The following CSTA variants were observed in gnomAD, a reference collection of about 807,000 sequenced individuals.
CSTA encodes cystatin-A.
CSTA carries 9 observed loss-of-function variants against 9.2 expected under a neutral mutation model. The observed-to-expected ratio is 0.97, with a 90% CI of 0.59 to 1.70. The LOEUF is 1.70. CSTA is among the 40% of genes most tolerant of loss of function. The pLI is 0.00. For synonymous variants in CSTA, 36 were observed against 40.6 expected (o/e 0.89, Z 0.43); for missense variants, 118 against 113.1 (o/e 1.04, Z -0.20).
intron 1 of CSTA, among the ~76,000 whole-genome samples, chr3:122,330,119 C>T (rs1392035694): frequency 2.0e-5 from 3 of 152,202 alleles, no homozygotes; most frequent in Non-Finnish European, 4.4e-5. Context: ...ATTCCTTCTC[C>T]AAAATTACAG....
chr3:122,328,638 A>G (rs768475441), intron 1 of CSTA, among the ~76,000 whole-genome samples: 1 of 151,926 alleles, frequency 6.6e-6, no homozygotes, highest in East Asian at 1.9e-4. Flanking sequence ...GAATGGAGAG[A>G]GTGTGGTAAG....
intron 1 of CSTA, among the ~76,000 whole-genome samples, chr3:122,327,432 G>C (rs1344855041): frequency 6.6e-6 from 1 of 151,316 alleles, no homozygotes; most frequent in Non-Finnish European, 1.5e-5. Context: ...GGGAGGCTGA[G>C]GCAGGAGAAT....
At chr3:122,334,886 G>A (rs894357731) in intron 1 of CSTA, among the ~76,000 whole-genome samples, 2 of 152,190 alleles carry the variant, frequency 1.3e-5, no homozygotes, top group African/African-American at 4.8e-5. Flanking sequence ...CAATGGCGCA[G>A]GCATGAGCAA....
At chr3:122,331,684 C>A (rs72971298) in intron 1 of CSTA, among the ~76,000 whole-genome samples, 5,309 of 152,234 alleles carry the variant, frequency 0.035, 303 homozygotes, top group African/African-American at 0.12. Context: ...CTTAACAACC[C>A]GGACAGGACC....
intron 2 of CSTA, among the ~76,000 whole-genome samples, chr3:122,340,584 G>A (rs995290674): frequency 1.5e-4 from 23 of 152,192 alleles, no homozygotes; most frequent in Non-Finnish European, 3.1e-4. Context: ...GATTATAGGC[G>A]TGAGCCACAG....
chr3:122,332,858 C>T (rs1576892077), intron 1 of CSTA, among the ~76,000 whole-genome samples: 2 of 152,306 alleles, frequency 1.3e-5, no homozygotes, highest in South Asian at 2.1e-4. Flanking sequence ...CTGCATCCTC[C>T]TAGTGCCCAT....
At chr3:122,334,594 T>C (rs1242514343) in intron 1 of CSTA, among the ~76,000 whole-genome samples, 1 of 152,182 alleles carries the variant, frequency 6.6e-6, no homozygotes, top group Non-Finnish European at 1.5e-5. Context: ...AATGCTTTCA[T>C]GAAGGGCATA....
At chr3:122,333,580 A>AAAG (rs1487716185) in intron 1 of CSTA, among the ~76,000 whole-genome samples, 4 of 144,062 alleles carry the variant, frequency 2.8e-5, no homozygotes, top group Admixed American at 6.8e-5. Context: ...AGAAAGAAAG[A>AAAG]AAGAAAGAAA....
At chr3:122,331,104 A>AACACACACACACAC in intron 1 of CSTA, among the ~76,000 whole-genome samples, 1 of 141,184 alleles carries the variant, frequency 7.1e-6, no homozygotes, top group African/African-American at 2.6e-5. Context: ...GCACACAACA[A>AACACACACACACAC]ACACACACAC....
Position 122,337,618 on chromosome 3 carries a change from A to G in CSTA, c.138A>G (p.Gln46=), listed in dbSNP as rs1309668040. ...GKLEAVQYKT[Q]VVAGTNYYIK... ...TGGAAGCTGTGCAGTATAAAACTCA[A>G]GTTGTTGCTGGAACAAATTACTACA... The change falls in exon 2 of 3, where the codon CAA becomes CAG. Residue 46 remains glutamine, a synonymous_variant. Transcript: ENST00000264474. The G allele has an allele frequency of 6.2e-7, 1 of 1,612,954 alleles. No individual in the cohort carries two copies. The highest frequency in any genetic ancestry group is 1.1e-5 in the South Asian group (1 of 91,050).
chr3:122,333,118 C>T (rs912453869), intron 1 of CSTA, among the ~76,000 whole-genome samples: 3 of 152,216 alleles, frequency 2.0e-5, no homozygotes, highest in Non-Finnish European at 4.4e-5. Context: ...CAAACCAGAT[C>T]TTTTAAATCC....
At chr3:122,333,994 C>T (rs1357812179) in intron 1 of CSTA, among the ~76,000 whole-genome samples, 1 of 152,238 alleles carries the variant, frequency 6.6e-6, no homozygotes, top group African/African-American at 2.4e-5. Flanking sequence ...CAGCTCCTAA[C>T]TTGACTGGTG....
intron 1 of CSTA, among the ~76,000 whole-genome samples, chr3:122,331,617 G>T (rs770886721): frequency 6.6e-6 from 1 of 152,162 alleles, no homozygotes; most frequent in Non-Finnish European, 1.5e-5. Flanking sequence ...AAAGAACTTT[G>T]CCAAAGCGAG....
chr3:122,330,508 G>A (rs914198549), intron 1 of CSTA, among the ~76,000 whole-genome samples: 1 of 152,210 alleles, frequency 6.6e-6, no homozygotes, highest in Non-Finnish European at 1.5e-5. Context: ...AGGCAAACAA[G>A]GGATGGCAAT....
At chr3:122,328,799 G>T (rs1302130669) in intron 1 of CSTA, among the ~76,000 whole-genome samples, 1 of 151,322 alleles carries the variant, frequency 6.6e-6, no homozygotes, top group African/African-American at 2.4e-5. Flanking sequence ...AAATTAGCTG[G>T]GCGTGGTGAC....
At chr3:122,325,726 G>T (rs2075167518) in intron 1 of CSTA, among the ~76,000 whole-genome samples, 1 of 152,158 alleles carries the variant, frequency 6.6e-6, no homozygotes, top group Non-Finnish European at 1.5e-5. Flanking sequence ...GAAGTCTAAG[G>T]TTATTAACAA....
At chr3:122,341,182 C>A (rs1361543369) in intron 2 of CSTA, among the ~76,000 whole-genome samples, 2 of 152,076 alleles carry the variant, frequency 1.3e-5, no homozygotes, top group East Asian at 1.9e-4. Flanking sequence ...ACCTCGTGAT[C>A]CCCCTGCCTC....
intron 1 of CSTA, among the ~76,000 whole-genome samples, chr3:122,325,821 C>T (rs898326058): frequency 6.6e-6 from 1 of 152,162 alleles, no homozygotes; most frequent in African/African-American, 2.4e-5. Flanking sequence ...AGGCAATCTA[C>T]TTACAAACTT....
chr3:122,331,405 C>T (rs1412850040), intron 1 of CSTA, among the ~76,000 whole-genome samples: 2 of 152,248 alleles, frequency 1.3e-5, no homozygotes, highest in East Asian at 1.9e-4. Context: ...CTTCAGGCAC[C>T]TACCTTCCCA....
Sources: allele counts gnomAD v4.1 joint callset (sites outside exome capture counted in the v4.1 genomes callset), GRCh38; gene constraint gnomAD v4.1.1; transcripts MANE v1.5; gene names NCBI Gene and HGNC (gene_info 2026-07-23, HGNC 2026-07-21).